The following IL23R variants were observed in gnomAD, a reference collection of about 807,000 sequenced individuals.
IL23R encodes interleukin 23 receptor, also known as interleukin-23 receptor.
IL23R carries 34 observed loss-of-function variants against 56.9 expected under a neutral mutation model. The observed-to-expected ratio is 0.60, with a 90% confidence interval of 0.45 to 0.80. The LOEUF (loss-of-function observed/expected upper bound fraction) is 0.80. Among genes scored for constraint, IL23R ranks in the 30% least tolerant of loss-of-function variants. The pLI, the probability that IL23R is intolerant of heterozygous loss-of-function variation, is 0.00. For synonymous variants in IL23R, 230 were observed against 249.2 expected, an observed-to-expected ratio of 0.92 and a Z score of 0.73; for missense variants, 635 against 730.0, an observed-to-expected ratio of 0.87 and a Z score of 1.50.
intron 7 of IL23R, among the ~76,000 whole-genome samples, chr1:67,228,363 C>T (rs1301964942): frequency 5.0e-4 from 53 of 105,788 alleles, no homozygotes; most frequent in African/African-American, 1.7e-3. Flanking sequence ...TTTTTTCTTC[C>T]TTTTTTTTTT....
At position 67,228,102 on chromosome 1, in the gene IL23R, CTT is replaced by C. The variant is rs1558254326; in HGVS notation, c.955+8374_955+8375del. 8.6e-4 allele frequency among the ~76,000 whole-genome samples: 44 copies of C among 51,126 alleles called. 6 individuals are homozygous for C. Among genetic ancestry groups the C allele is most frequent in the South Asian group, 8.2e-3 (20 of 2,430 alleles). 33.5% of individuals were successfully genotyped at this position (51,126 alleles called of 152,430 possible). On this transcript the variant is annotated intron_variant, in intron 7 of 10. Coordinates refer to ENST00000347310, the MANE Select transcript of IL23R (RefSeq NM_144701.3). ...CTTTCTTTTCTTTCTTTCTTTCTTT[CTT>C]TCTCTCTCTTTCTTTCTTTCTTTCC...
intron 5 of IL23R, 43 bp from the exon 6 acceptor site, chr1:67,206,867 G>C: frequency 2.1e-6 from 3 of 1,401,474 alleles, no homozygotes; most frequent in Non-Finnish European, 2.8e-6. Context: ...CCCTAGGCAA[G>C]TTTTAAACAG....
At chr1:67,258,064 C>A (rs547036650) in intron 10 of IL23R, among the ~76,000 whole-genome samples, 1 of 151,980 alleles carries the variant, frequency 6.6e-6, no homozygotes, top group African/African-American at 2.4e-5. Flanking sequence ...TTCTCCCCAA[C>A]CTTTTTTTAT....
chr1:67,170,664 AC>A (rs1646931977), intron 3 of IL23R, among the ~76,000 whole-genome samples: 1 of 152,042 alleles, frequency 6.6e-6, no homozygotes, highest in Non-Finnish European at 1.5e-5. Context: ...TAGCACTTGA[AC>A]CCATTTTCAG....
intron 4 of IL23R, among the ~76,000 whole-genome samples, chr1:67,195,732 C>A (rs1330827920): frequency 6.6e-6 from 1 of 152,152 alleles, no homozygotes; most frequent in Non-Finnish European, 1.5e-5. Flanking sequence ...TGACTATCAG[C>A]CTTAGAGAGA....
In IL23R at chr1:67,207,055, T is replaced by C; in HGVS notation, c.798T>C (p.Asn266=). ...RYKATTNQTW[N]VKEFDTNFTY... ...AGGCTACAACAAACCAAACTTGGAATGTAAGCTCAACTTTCATTATGCTTT... is the reference window on the plus strand; with the variant it reads ...AGGCTACAACAAACCAAACTTGGAACGTAAGCTCAACTTTCATTATGCTTT... Residue 266 remains asparagine, a splice_region_variant and synonymous_variant, in exon 6 of 11, where the codon AAT becomes AAC. Coordinates refer to ENST00000347310, the MANE Select transcript of IL23R (RefSeq NM_144701.3). The C allele has an allele frequency of 6.2e-7, 1 of 1,614,076 alleles. No individual in the cohort carries two copies. The highest frequency in any genetic ancestry group is 1.1e-5 in the South Asian group (1 of 91,068).
downstream of IL23R, among the ~76,000 whole-genome samples, chr1:67,261,464 T>G (rs1428620830): frequency 6.6e-6 from 1 of 151,014 alleles, no homozygotes; most frequent in Non-Finnish European, 1.5e-5. Context: ...AAAAAAAAAG[T>G]TATCCCCCAG....
intron 4 of IL23R, among the ~76,000 whole-genome samples, chr1:67,187,974 C>A (rs748226797): frequency 6.6e-6 from 1 of 152,082 alleles, no homozygotes; most frequent in Non-Finnish European, 1.5e-5. Context: ...ATCGCTTGAA[C>A]CTGGGAGGTG....
At chr1:67,221,302 C>T (rs1345143156) in intron 7 of IL23R, among the ~76,000 whole-genome samples, 1 of 152,172 alleles carries the variant, frequency 6.6e-6, no homozygotes, top group Non-Finnish European at 1.5e-5. Context: ...GCCTGGGTGA[C>T]AGAGTGAGAC....
Position 67,229,900 on chromosome 1 carries a change from G to A in IL23R, c.956-6813G>A, listed in dbSNP as rs897478208. 2.0e-4 allele frequency among the ~76,000 whole-genome samples: 30 copies of A among 152,170 alleles called. 1 individual carries two copies. Among genetic ancestry groups the A allele is most frequent in the Non-Finnish European group, 1.5e-4 (10 of 68,038 alleles). On this transcript the variant is annotated intron_variant, in intron 7 of 10. Transcript: ENST00000347310. The stretch of plus-strand genomic sequence containing the variant: ...CAGTTTTTACTAGTCAGGATGATTA[G>A]GTGTAAGCAAAATAAATCAAGGCTG...
chr1:67,226,045 T>G (rs965072841), intron 7 of IL23R, among the ~76,000 whole-genome samples: 1 of 152,228 alleles, frequency 6.6e-6, no homozygotes, highest in Non-Finnish European at 1.5e-5. Context: ...TCGCATATCA[T>G]GTGGCTCATC....
At chr1:67,206,494 A>C (rs908631110) in intron 5 of IL23R, among the ~76,000 whole-genome samples, 1 of 151,960 alleles carries the variant, frequency 6.6e-6, no homozygotes, top group Non-Finnish European at 1.5e-5. Flanking sequence ...CATCTTTTCA[A>C]ATCTGATCAT....
At chr1:67,181,868 G>T (rs1647148738) in intron 3 of IL23R, among the ~76,000 whole-genome samples, 1 of 152,216 alleles carries the variant, frequency 6.6e-6, no homozygotes, top group South Asian at 2.1e-4. Flanking sequence ...AACCTCAGCT[G>T]CAGGTCTGTT....
At chr1:67,250,586 T>C (rs1331170161) in intron 9 of IL23R, among the ~76,000 whole-genome samples, 1 of 152,204 alleles carries the variant, frequency 6.6e-6, no homozygotes, top group Non-Finnish European at 1.5e-5. Flanking sequence ...ATGTCTTTAT[T>C]TTACCAATAA....
downstream of IL23R, among the ~76,000 whole-genome samples, chr1:67,264,308 A>C (rs181683032): frequency 6.6e-6 from 1 of 152,350 alleles, no homozygotes; most frequent in East Asian, 1.9e-4. Flanking sequence ...TTTTAAGATC[A>C]CTAAGAATAA....
At chr1:67,142,067 G>A (rs1437770191) in intron 1 of IL23R, among the ~76,000 whole-genome samples, 1 of 152,204 alleles carries the variant, frequency 6.6e-6, no homozygotes, top group Non-Finnish European at 1.5e-5. Flanking sequence ...TCTTCACGAT[G>A]GCTGGGAAAG....
intron 4 of IL23R, among the ~76,000 whole-genome samples, chr1:67,194,320 C>T (rs920681879): frequency 3.3e-5 from 5 of 152,112 alleles, no homozygotes; most frequent in Admixed American, 2.0e-4. Context: ...TTTCAATCTT[C>T]TCATCACATT....
exon 11 of IL23R, chr1:67,259,965 G>GAAAAAAAA (rs372460431): frequency 6.6e-5 from 5 of 76,062 alleles, no homozygotes; most frequent in African/African-American, 1.2e-4. Context: ...ACTCTGTCTG[G>GAAAAAAAA]AAAAAAAAAA....
chr1:67,142,160 T>C (rs552865471), intron 1 of IL23R, among the ~76,000 whole-genome samples: 2 of 152,328 alleles, frequency 1.3e-5, no homozygotes, highest in East Asian at 3.9e-4. Flanking sequence ...TCAGGGGGAA[T>C]TGGTTTTTCT....
Sources: allele counts gnomAD v4.1 joint callset (sites outside exome capture counted in the v4.1 genomes callset), GRCh38; gene constraint gnomAD v4.1.1; transcripts MANE v1.5; gene names NCBI Gene and HGNC (gene_info 2026-07-23, HGNC 2026-07-21).